The following TUBA8 variants were observed in gnomAD, a reference collection of about 807,000 sequenced individuals.
TUBA8 encodes the protein tubulin alpha-8 chain.
Under a neutral mutation model 34.7 loss-of-function variants are expected in TUBA8, and 29 were observed. That is an observed-to-expected ratio of 0.84 (90% confidence interval 0.62 to 1.14). The LOEUF (loss-of-function observed/expected upper bound fraction) is 1.14, where lower values mean the gene tolerates loss of function less well. TUBA8 is among the 50% of genes most tolerant of loss of function. The probability of loss-of-function intolerance (pLI) is 0.00; values close to 1 mark genes in which losing one functional copy is unlikely to be tolerated. For missense variants in TUBA8, 541 were observed against 599.2 expected, an observed-to-expected ratio of 0.90 and a Z score of 1.01; for synonymous variants, 226 against 231.2, an observed-to-expected ratio of 0.98 and a Z score of 0.21.
In TUBA8 at chr22:18,131,284, C is replaced by A. The variant is rs367759492; in HGVS notation, c.*148C>A. ...CCTGGCCCCAGTACCCAGGGTGGCA[C>A]GACTGGGCTAAGTGGACACTGAGCT... On this transcript the variant is annotated 3_prime_UTR_variant, in exon 5 of 5. Transcript: ENST00000330423. This position sits in a 1 kb window ranked among gnomAD's most constrained non-coding sequence, Gnocchi z 5.3. 3 of 799,558 alleles carry A rather than the reference C, an allele frequency of 3.8e-6. No homozygotes were observed. The highest frequency in any genetic ancestry group is 4.4e-5 in the Admixed American group (2 of 45,742). 49.5% of individuals were successfully genotyped at this position (799,558 alleles called of 1,614,324 possible).
At chr22:18,115,765 C>CA (rs1927951086) in intron 1 of TUBA8, 1 of 152,206 alleles carries the variant, frequency 6.6e-6, no homozygotes, top group South Asian at 2.1e-4. Context: ...TGCAACCACA[C>CA]AAAAAGATTT....
chr22:18,124,559 G>A lies in TUBA8; in HGVS notation c.375+255G>A. 2.3e-6 allele frequency: 1 copy of A among 442,900 alleles called. No homozygotes were observed. The highest frequency in any genetic ancestry group is 3.5e-5 in the East Asian group (1 of 28,238). The allele number at this position is 442,900 out of a possible 1,614,324, so 27.4% of individuals were successfully genotyped here. On this transcript the variant is annotated intron_variant, in intron 3 of 4. Coordinates refer to ENST00000330423, the MANE Select transcript of TUBA8 (RefSeq NM_018943.3). The surrounding 1 kb of genome is among the most constrained non-coding windows in gnomAD (Gnocchi z 4.3). ...CATTGATACTCTCTGTTAGTATCTG[G>A]GGAAGGTTCCGGGTATAAGGCAGGA...
chr22:18,121,614 G>T lies in TUBA8; in HGVS notation c.139G>T (p.Asp47Tyr). Residue 47 changes from aspartate (D) to tyrosine (Y), a missense_variant, in exon 2 of 5, where the codon GAC (aspartate) becomes TAC (tyrosine). Physicochemically the swap from Asp to Tyr is radical, Grantham distance 160. Coordinates refer to ENST00000330423, the MANE Select transcript of TUBA8 (RefSeq NM_018943.3). The surrounding 1 kb of genome is among the most constrained non-coding windows in gnomAD (Gnocchi z 4.8). ...TCAAGCTAGCAAGATCAACGATGAT[G>T]ACTCCTTCACCACCTTTTTCAGCGA... ...DAQASKINDD[D>Y]SFTTFFSETG... The T allele has an allele frequency of 6.2e-7, 1 of 1,614,222 alleles. No individual in the cohort carries two copies. The highest frequency in any genetic ancestry group is 8.5e-7 in the Non-Finnish European group (1 of 1,180,048).
In TUBA8 at chr22:18,131,579, GCAT is replaced by G. The variant is rs1321875122; in HGVS notation, c.*448_*450del. On this transcript the variant is annotated 3_prime_UTR_variant, in exon 5 of 5. Transcript: ENST00000330423. The surrounding 1 kb of genome is among the most constrained non-coding windows in gnomAD (Gnocchi z 5.3). ...TGAGTGGGTCTATAGCCCGCTCCGG[GCAT>G]CATCTAGACTTAGCATGCATTCACT... The G allele has an allele frequency of 2.5e-5, 6 of 243,994 alleles. No individual in the cohort carries two copies. The highest frequency in any genetic ancestry group is 1.3e-4 in the African/African-American group (6 of 44,506). The allele number at this position is 243,994 out of a possible 1,614,324, so 15.1% of individuals were successfully genotyped here.
Position 18,110,837 on chromosome 22 carries a change from G to C in TUBA8, c.-29G>C, listed in dbSNP as rs1357452496. The C allele has an allele frequency of 3.9e-6, 6 of 1,541,620 alleles. No homozygotes were observed. Among genetic ancestry groups the C allele is most frequent in the Non-Finnish European group, 5.2e-6 (6 of 1,149,514 alleles). On this transcript the variant is annotated 5_prime_UTR_variant, in exon 1 of 5. Transcript: ENST00000330423. The surrounding 1 kb of genome is among the most constrained non-coding windows in gnomAD (Gnocchi z 6.2). ...AGTCGGGGCGGGCAGGCCCAGCTGA[G>C]AGGTGCGCGGGCGAGGACAGCGGCA...
intron 1 of TUBA8, chr22:18,116,144 C>T (rs1315393932): frequency 6.6e-6 from 1 of 152,402 alleles, no homozygotes; most frequent in African/African-American, 2.4e-5. Flanking sequence ...TTGCCCCCAA[C>T]CCCAGCTGCA....
rs921226473 is a variant in TUBA8, at chr22:18,126,543, C to G, written c.565C>G (p.Leu189Val). 6.2e-7 allele frequency: 1 copy of G among 1,614,200 alleles called. No homozygotes were observed. Among genetic ancestry groups the G allele is most frequent in the African/African-American group, 1.3e-5 (1 of 75,050 alleles). Reference sequence around the variant, plus strand: ...AGTGGTGGAGCCCTACAACTCCATCCTGACCACCCACACCACACTGGAACA... The same window carrying G: ...AGTGGTGGAGCCCTACAACTCCATCGTGACCACCCACACCACACTGGAACA... Reference protein sequence around the residue: ...TAVVEPYNSILTTHTTLEHSD... With the variant: ...TAVVEPYNSIVTTHTTLEHSD... The change falls in exon 4 of 5, where the codon CTG (leucine) becomes GTG (valine). Residue 189 changes from leucine to valine, a missense_variant. Physicochemically the swap from Leu to Val is conservative, Grantham distance 32. Coordinates refer to ENST00000330423, the MANE Select transcript of TUBA8 (RefSeq NM_018943.3). The surrounding 1 kb of genome is among the most constrained non-coding windows in gnomAD (Gnocchi z 4.0).
chr22:18,123,980 C>G, intron 2 of TUBA8, 176 bp from the exon 3 acceptor site: 1 of 754,810 alleles, frequency 1.3e-6, no homozygotes, highest in Non-Finnish European at 2.2e-6. Flanking sequence ...CTGTTAGTCC[C>G]TGAGCTACCC....
In TUBA8 at chr22:18,119,226, C is replaced by T. The variant is rs1047773427; in HGVS notation, c.4-2253C>T. ...GACGCCGTGGTCTGGGTGGATAACTCGCTGGTTGTGGGTGGTTTCTGGATG... is the reference window on the plus strand; with the variant it reads ...GACGCCGTGGTCTGGGTGGATAACTTGCTGGTTGTGGGTGGTTTCTGGATG... On this transcript the variant is annotated intron_variant, in intron 1 of 4. Transcript: ENST00000330423. The surrounding 1 kb of genome is among the most constrained non-coding windows in gnomAD (Gnocchi z 5.9). 1 of 152,286 alleles carries T rather than the reference C, an allele frequency of 6.6e-6. No homozygotes were observed. The allele number at this position is 152,286 out of a possible 1,614,324, so 9.4% of individuals were successfully genotyped here.
intron 4 of TUBA8, 123 bp from the exon 5 acceptor site, chr22:18,130,720 C>G (rs1056974878): frequency 1.5e-6 from 2 of 1,304,544 alleles, no homozygotes; most frequent in Non-Finnish European, 2.2e-6. Context: ...TCCCATAGCC[C>G]CACTCCCACG....
chr22:18,112,346 C>A (rs1927838424), intron 1 of TUBA8: 1 of 152,200 alleles, frequency 6.6e-6, no homozygotes, highest in Non-Finnish European at 1.5e-5. Flanking sequence ...TGACCTGTCT[C>A]ACTTCATTTA....
chr22:18,121,794 G>A lies in TUBA8; in HGVS notation c.226+93G>A. 7.7e-7 allele frequency: 1 copy of A among 1,295,784 alleles called. No homozygotes were observed. Among genetic ancestry groups the A allele is most frequent in the East Asian group, 2.5e-5 (1 of 40,556 alleles). The allele number at this position is 1,295,784 out of a possible 1,614,324, so 80.3% of individuals were successfully genotyped here. On this transcript the variant is annotated intron_variant, in intron 2 of 4. Transcript: ENST00000330423. The surrounding 1 kb of genome is among the most constrained non-coding windows in gnomAD (Gnocchi z 4.8). ...GCTAAGGAAGCAGCGTCTCTAGCTGGAAGGTGGGGATGGTGCAACCGCAGC... is the reference window on the plus strand; with the variant it reads ...GCTAAGGAAGCAGCGTCTCTAGCTGAAAGGTGGGGATGGTGCAACCGCAGC...
chr22:18,124,365 G>A lies in TUBA8; in HGVS notation c.375+61G>A. 1 of 1,569,992 alleles carries A rather than the reference G, an allele frequency of 6.4e-7. No individual in the cohort carries two copies. The highest frequency in any genetic ancestry group is 8.7e-7 in the Non-Finnish European group (1 of 1,155,404). On this transcript the variant is annotated intron_variant, in intron 3 of 4. Coordinates refer to ENST00000330423, the MANE Select transcript of TUBA8 (RefSeq NM_018943.3). This position sits in a 1 kb window ranked among gnomAD's most constrained non-coding sequence, Gnocchi z 4.3. ...CTGGAGTGGACAGGCTTGGCCCCAT[G>A]CCTCTTTGATCAGGCTAGGGAGAGG... is the stretch of plus-strand genomic sequence containing the variant.
intron 1 of TUBA8, chr22:18,116,485 G>T (rs1405450000): frequency 6.6e-6 from 1 of 152,222 alleles, no homozygotes; most frequent in East Asian, 1.9e-4. Flanking sequence ...TCTGAGCTCA[G>T]CAGTTTCATC....
At position 18,111,031 on chromosome 22, in the gene TUBA8, A is replaced by G. The variant is rs570760864; in HGVS notation, c.3+163A>G. ...CGAGGAGTCCGCACCCTCGGGCGGG[A>G]ACACCCGGTGCCCTTTATCGTATGG... On this transcript the variant is annotated intron_variant, in intron 1 of 4. Transcript: ENST00000330423. This position sits in a 1 kb window ranked among gnomAD's most constrained non-coding sequence, Gnocchi z 5.1. 3.8e-6 allele frequency: 4 copies of G among 1,050,664 alleles called. No individual in the cohort carries two copies. Among genetic ancestry groups the G allele is most frequent in the Non-Finnish European group, 5.6e-6 (4 of 716,078 alleles). The allele number at this position is 1,050,664 out of a possible 1,614,324, so 65.1% of individuals were successfully genotyped here.
rs1462777299 is a variant in TUBA8, at chr22:18,131,342, G to A, written c.*206G>A. The A allele has an allele frequency of 3.4e-6, 2 of 592,320 alleles. No individual in the cohort carries two copies. The highest frequency in any genetic ancestry group is 3.7e-5 in the African/African-American group (2 of 53,726). 36.7% of individuals were successfully genotyped at this position (592,320 alleles called of 1,614,324 possible). On this transcript the variant is annotated 3_prime_UTR_variant, in exon 5 of 5. Transcript: ENST00000330423. This position sits in a 1 kb window ranked among gnomAD's most constrained non-coding sequence, Gnocchi z 5.3. Reference sequence around the variant, plus strand: ...GCCCTCCCTGGGTAGGAGCAGCTTTGTGTCACTAAAGAAAGTGAGGGCCAC... The same window carrying A: ...GCCCTCCCTGGGTAGGAGCAGCTTTATGTCACTAAAGAAAGTGAGGGCCAC...
Position 18,124,258 on chromosome 22 carries a change from T to C in TUBA8, c.329T>C (p.Val110Ala). The C allele has an allele frequency of 6.2e-7, 1 of 1,614,100 alleles. No homozygotes were observed. The highest frequency in any genetic ancestry group is 8.5e-7 in the Non-Finnish European group (1 of 1,180,006). The change falls in exon 3 of 5, where the codon GTG becomes GCG. Residue 110 changes from valine to alanine, a missense_variant. Physicochemically the swap from Val to Ala is moderately conservative, Grantham distance 64. Coordinates refer to ENST00000330423, the MANE Select transcript of TUBA8 (RefSeq NM_018943.3). The surrounding 1 kb of genome is among the most constrained non-coding windows in gnomAD (Gnocchi z 4.3). ...AACTATGCCCGGGGCCACTACACGG[T>C]GGGCAAGGAGAGCATTGACCTGGTG... is the stretch of plus-strand genomic sequence containing the variant. ...ANNYARGHYTVGKESIDLVLD... is the reference protein window; with the variant it reads ...ANNYARGHYTAGKESIDLVLD...
chr22:18,126,614 C>A lies in TUBA8; in HGVS notation c.636C>A (p.Ile212=). 3 of 1,614,188 alleles carry A rather than the reference C, an allele frequency of 1.9e-6. No homozygotes were observed. Among genetic ancestry groups the A allele is most frequent in the Non-Finnish European group, 2.5e-6 (3 of 1,180,032 alleles). ...TGGACAACGAAGCCATCTATGACATCTGCCGCAGGAACCTTGACATTGAGC... is the reference window on the plus strand; with the variant it reads ...TGGACAACGAAGCCATCTATGACATATGCCGCAGGAACCTTGACATTGAGC... ...FMVDNEAIYD[I]CRRNLDIERP... The change falls in exon 4 of 5, where the codon ATC becomes ATA. Residue 212 remains isoleucine (I), a synonymous_variant. Transcript: ENST00000330423. The surrounding 1 kb of genome is among the most constrained non-coding windows in gnomAD (Gnocchi z 4.0).
At chr22:18,130,589 A>AT in intron 4 of TUBA8, 3 of 497,820 alleles carry the variant, frequency 6.0e-6, no homozygotes, top group Non-Finnish European at 6.8e-6. Flanking sequence ...GGGCCTGGCT[A>AT]ATTTTTTTTT....
Sources: gnomAD v4.1 joint callset for allele counts on GRCh38, gnomAD v4.1.1 for gene constraint, Gnocchi (gnomAD v3.1) non-coding constraint, MANE v1.5 for transcripts, NCBI Gene and HGNC (gene_info 2026-07-23, HGNC 2026-07-21) for gene names.